The following DEUP1 variants were observed in gnomAD, a reference collection of about 807,000 sequenced individuals.
The protein encoded by DEUP1 is coiled-coil domain containing 67.
In DEUP1, 82 loss-of-function variants were observed where a neutral mutation model predicts 87.4. The ratio of observed to expected loss-of-function variants is 0.94; its 90% CI spans 0.78 to 1.13. The LOEUF (loss-of-function observed/expected upper bound fraction) is 1.13. DEUP1 is among the 50% of genes most tolerant of loss of function. DEUP1 has a pLI of 0.00. For synonymous variants in DEUP1, 214 were observed against 222.7 expected (o/e 0.96, Z 0.35); for missense variants, 663 against 681.5 (o/e 0.97, Z 0.30).
intron 13 of DEUP1, among the ~76,000 whole-genome samples, chr11:93,420,226 G>A (rs112046779): frequency 6.6e-6 from 1 of 151,990 alleles, no homozygotes; most frequent in Non-Finnish European, 1.5e-5. Flanking sequence ...ATGATCAAGT[G>A]GGCTTCATCC....
chr11:93,385,959 G>A (rs1946525908), intron 8 of DEUP1, among the ~76,000 whole-genome samples: 1 of 151,904 alleles, frequency 6.6e-6, no homozygotes, highest in African/African-American at 2.4e-5. Flanking sequence ...AGGCTGAGCT[G>A]GGAGGGTCGC....
intron 8 of DEUP1, among the ~76,000 whole-genome samples, chr11:93,386,262 T>C (rs1160820453): frequency 6.6e-6 from 1 of 152,164 alleles, no homozygotes; most frequent in Admixed American, 6.5e-5. Context: ...AAACAGATTT[T>C]TTTTTCTCTT....
intron 4 of DEUP1, among the ~76,000 whole-genome samples, chr11:93,359,106 A>G (rs1451086399): frequency 6.6e-6 from 1 of 152,228 alleles, no homozygotes; most frequent in African/African-American, 2.4e-5. Context: ...AGTACTATGT[A>G]CTTGATTCGG....
intron 13 of DEUP1, among the ~76,000 whole-genome samples, chr11:93,427,783 AAAAC>A (rs1487962197): frequency 1.4e-5 from 2 of 142,582 alleles, no homozygotes; most frequent in Non-Finnish European, 1.5e-5. Context: ...TTACAAGAAA[AAAAC>A]AAACAACCCC....
chr11:93,385,284 TA>T, intron 7 of DEUP1, 113 bp from the exon 8 acceptor site: 1 of 939,672 alleles, frequency 1.1e-6, no homozygotes, highest in Non-Finnish European at 1.6e-6. Flanking sequence ...AGCAAAGGAC[TA>T]AATATCAGTT....
chr11:93,399,194 T>A lies in DEUP1; in HGVS notation c.1326+2869T>A, dbSNP rs567338638. Among the ~76,000 whole-genome samples the A allele has an allele frequency of 1.3e-3, 198 of 151,934 alleles. 1 individual carries two copies. The highest frequency in any genetic ancestry group is 4.6e-3 in the African/African-American group (190 of 41,522). ...CTTGTTACATATATATATATATTTC[T>A]TCTAAATATATATAGCTTCAGTTTT... is the stretch of plus-strand genomic sequence containing the variant. On this transcript the variant is annotated intron_variant, in intron 11 of 13. Transcript: ENST00000298050.
intron 9 of DEUP1, among the ~76,000 whole-genome samples, chr11:93,393,782 G>C (rs747432088): frequency 2.6e-5 from 4 of 151,676 alleles, no homozygotes; most frequent in Non-Finnish European, 4.4e-5. Flanking sequence ...TGGAGACAGA[G>C]GCAAGACTTA....
chr11:93,416,664 C>T (rs1947643080), intron 13 of DEUP1, among the ~76,000 whole-genome samples: 1 of 151,772 alleles, frequency 6.6e-6, no homozygotes, highest in African/African-American at 2.4e-5. Context: ...AGGGAATCCT[C>T]CCTAACTCAT....
At chr11:93,418,466 T>C (rs1275887794) in intron 13 of DEUP1, among the ~76,000 whole-genome samples, 2 of 152,050 alleles carry the variant, frequency 1.3e-5, no homozygotes, top group Non-Finnish European at 2.9e-5. Context: ...GAAATGCAAA[T>C]CAAAACCACA....
intron 2 of DEUP1, among the ~76,000 whole-genome samples, chr11:93,346,968 T>C (rs1292571854): frequency 6.6e-6 from 1 of 152,188 alleles, no homozygotes; most frequent in Non-Finnish European, 1.5e-5. Flanking sequence ...TTTCTAGATA[T>C]AGGATCATGT....
chr11:93,416,100 A>G (rs1042919290), intron 13 of DEUP1, among the ~76,000 whole-genome samples: 1 of 152,174 alleles, frequency 6.6e-6, no homozygotes, highest in Admixed American at 6.5e-5. Context: ...GCCAATGAAT[A>G]TCTCAAGTAG....
intron 4 of DEUP1, among the ~76,000 whole-genome samples, chr11:93,359,663 C>T (rs1056323586): frequency 6.6e-6 from 1 of 152,174 alleles, no homozygotes. Flanking sequence ...AAAGTCTGCT[C>T]TCTCCAGCCA....
intron 2 of DEUP1, 47 bp downstream of exon 2, chr11:93,332,335 C>T (rs1270950936): frequency 6.1e-6 from 9 of 1,480,242 alleles, no homozygotes; most frequent in Non-Finnish European, 8.3e-6. Flanking sequence ...CTTAACTGTG[C>T]CAAAAACTTC....
chr11:93,391,150 C>T (rs1946754003), intron 9 of DEUP1, among the ~76,000 whole-genome samples: 1 of 150,694 alleles, frequency 6.6e-6, no homozygotes, highest in Non-Finnish European at 1.5e-5. Context: ...ATAAAACTAA[C>T]AAGAGCTATG....
chr11:93,431,482 G>C (rs1361770815), intron 13 of DEUP1, among the ~76,000 whole-genome samples: 1 of 152,114 alleles, frequency 6.6e-6, no homozygotes, highest in African/African-American at 2.4e-5. Flanking sequence ...AAGGAGTTTG[G>C]ATTTTATTTT....
At chr11:93,348,531 T>G (rs1473972648) in intron 2 of DEUP1, among the ~76,000 whole-genome samples, 1 of 152,246 alleles carries the variant, frequency 6.6e-6, no homozygotes, top group Non-Finnish European at 1.5e-5. Flanking sequence ...TGGCATGTTG[T>G]GTCTTTGTTC....
At chr11:93,380,141 T>C (rs1242196189) in intron 7 of DEUP1, among the ~76,000 whole-genome samples, 1 of 152,148 alleles carries the variant, frequency 6.6e-6, no homozygotes, top group Non-Finnish European at 1.5e-5. Context: ...CACCCTACAG[T>C]GCACAAGACA....
At chr11:93,407,720 T>C (rs983268849) in intron 11 of DEUP1, among the ~76,000 whole-genome samples, 4 of 151,886 alleles carry the variant, frequency 2.6e-5, no homozygotes, top group Non-Finnish European at 5.9e-5. Flanking sequence ...CAGAAGAAAA[T>C]TCTTTTAAAA....
In DEUP1 at chr11:93,371,196, T is replaced by C; in HGVS notation, c.705T>C (p.Asn235=). ...FIIEKLKSAV[N]EIALSRNKLQ... The stretch of plus-strand genomic sequence containing the variant: ...TTGAAAAACTGAAATCAGCTGTAAA[T>C]GAGATAGCACTAAGCAGGAATAAAT... Residue 235 remains asparagine, a synonymous_variant, in exon 7 of 14, where the codon AAT becomes AAC. Coordinates refer to ENST00000298050, the MANE Select transcript of DEUP1 (RefSeq NM_181645.4). 1.2e-6 allele frequency: 2 copies of C among 1,613,094 alleles called. No individual in the cohort carries two copies. Among genetic ancestry groups the C allele is most frequent in the Non-Finnish European group, 1.7e-6 (2 of 1,179,464 alleles).
Sources: allele counts gnomAD v4.1 joint callset (sites outside exome capture counted in the v4.1 genomes callset), GRCh38; gene constraint gnomAD v4.1.1; transcripts MANE v1.5; gene names NCBI Gene and HGNC (gene_info 2026-07-23, HGNC 2026-07-21).